Variants in ONECUT3 observed in about 807,000 individuals in gnomAD.
The protein encoded by ONECUT3 is one cut homeobox 3.
Under a neutral mutation model 16.8 loss-of-function variants are expected in ONECUT3, and 11 were observed. The observed-to-expected ratio is 0.66, with a 90% CI of 0.41 to 1.09. The LOEUF (loss-of-function observed/expected upper bound fraction) is 1.09, where lower values mean the gene tolerates loss of function less well. Among genes scored for constraint, ONECUT3 ranks in the 50% least tolerant of loss-of-function variants. The pLI is 0.00. For missense variants in ONECUT3, 637 were observed against 629.9 expected, an observed-to-expected ratio of 1.01 and a Z score of -0.12; for synonymous variants, 344 against 310.7, an observed-to-expected ratio of 1.11 and a Z score of -1.13.
intron 1 of ONECUT3, among the ~76,000 whole-genome samples, chr19:1,765,503 T>C (rs7246629): frequency 0.5 from 75,410 of 152,044 alleles, 18,936 homozygotes; most frequent in Middle Eastern, 0.64. Context: ...GGCCTCCTCA[T>C]TGGGGAACAG....
In ONECUT3 at chr19:1,759,935, C is replaced by T. The variant is rs1010874542; in HGVS notation, c.1192+5081C>T. ...CTCAGGTGACTCTGGTGCCCCCACA[C>T]CAGCACCCTCCCACAAAACTTCAGG... On this transcript the variant is annotated intron_variant, in intron 1 of 1. Coordinates refer to ENST00000382349, the MANE Select transcript of ONECUT3 (RefSeq NM_001080488.2). This position sits in a 1 kb window ranked among gnomAD's most constrained non-coding sequence, Gnocchi z 4.1. Among the ~76,000 whole-genome samples the T allele has an allele frequency of 6.6e-6, 1 of 152,130 alleles. No individual in the cohort carries two copies. Among genetic ancestry groups the T allele is most frequent in the African/African-American group, 2.4e-5 (1 of 41,432 alleles).
chr19:1,769,839 G>A (rs1013794873), intron 1 of ONECUT3, among the ~76,000 whole-genome samples: 1 of 152,206 alleles, frequency 6.6e-6, no homozygotes, highest in Non-Finnish European at 1.5e-5. Flanking sequence ...TGCTGCAATC[G>A]ACAAAACGGG....
intron 1 of ONECUT3, among the ~76,000 whole-genome samples, chr19:1,769,396 G>A (rs1016581041): frequency 6.6e-5 from 10 of 152,056 alleles, no homozygotes; most frequent in Non-Finnish European, 1.3e-4. Flanking sequence ...TGGCAGAGGT[G>A]GCAATGGTGG....
In ONECUT3 at chr19:1,764,701, G is replaced by A. The variant is rs1043790902; in HGVS notation, c.1192+9847G>A. Among the ~76,000 whole-genome samples, 1 of 152,016 alleles carries A rather than the reference G, an allele frequency of 6.6e-6. No individual in the cohort carries two copies. The highest frequency in any genetic ancestry group is 2.1e-4 in the South Asian group (1 of 4,824). On this transcript the variant is annotated intron_variant, in intron 1 of 1. Transcript: ENST00000382349. This position sits in a 1 kb window ranked among gnomAD's most constrained non-coding sequence, Gnocchi z 5.0. ...TCCAGCTCCCCGAGGGGTGCAGGGT[G>A]TAGACAGAGGGTGTAGGTATGTGAC...
chr19:1,773,086 C>T (rs1213703310), intron 1 of ONECUT3, among the ~76,000 whole-genome samples: 2 of 145,004 alleles, frequency 1.4e-5, no homozygotes, highest in Non-Finnish European at 3.0e-5. Context: ...AAGAGCATTT[C>T]CTCACTCTCT....
intron 1 of ONECUT3, among the ~76,000 whole-genome samples, chr19:1,765,379 G>C (rs2067977310): frequency 6.6e-6 from 1 of 152,162 alleles, no homozygotes; most frequent in South Asian, 2.1e-4. Flanking sequence ...CTCCCTCCCA[G>C]CCAGCAGTGT....
At position 1,753,998 on chromosome 19, in the gene ONECUT3, G is replaced by A. The variant is rs970497249; in HGVS notation, c.336G>A (p.Gln112=). 8.9e-5 allele frequency: 88 copies of A among 994,242 alleles called. No individual in the cohort carries two copies. Among genetic ancestry groups the A allele is most frequent in the Non-Finnish European group, 1.0e-4 (84 of 837,162 alleles). The allele number at this position is 994,242 out of a possible 1,614,324, so 61.6% of individuals were successfully genotyped here. A position where few individuals can be genotyped will look rare whatever the true frequency, so the allele number is the denominator to read the frequency against. Residue 112 remains glutamine (Q), a synonymous_variant, in exon 1 of 2, where the codon CAG becomes CAA. Transcript: ENST00000382349. ...GGTYTTLTPL[Q]HLPPLAAVAD... ...CCTACACGACGCTCACGCCCCTGCA[G>A]CACCTGCCGCCGCTCGCGGCCGTGG...
rs1032969289 is a variant in ONECUT3, at chr19:1,776,276, C to G, written c.*831C>G. ...AGTTCACTTTACCTTTAGGCACCTT[C>G]GTGGAGCGCAAGGAAGGACGCAGCT... On this transcript the variant is annotated 3_prime_UTR_variant, in exon 2 of 2. Transcript: ENST00000382349. This position sits in a 1 kb window ranked among gnomAD's most constrained non-coding sequence, Gnocchi z 4.9. 5 of 152,234 alleles carry G rather than the reference C, an allele frequency of 3.3e-5. No homozygotes were observed. Among genetic ancestry groups the G allele is most frequent in the African/African-American group, 1.2e-4 (5 of 41,450 alleles). 9.4% of individuals were successfully genotyped at this position (152,234 alleles called of 1,614,324 possible). A position where few individuals can be genotyped will look rare whatever the true frequency, so the allele number is the denominator to read the frequency against.
In ONECUT3 at chr19:1,766,629, A is replaced by G. The variant is rs1321792661; in HGVS notation, c.1193-8524A>G. Among the ~76,000 whole-genome samples, 1 of 148,984 alleles carries G rather than the reference A, an allele frequency of 6.7e-6. No individual in the cohort carries two copies. The highest frequency in any genetic ancestry group is 2.0e-4 in the East Asian group (1 of 4,994). On this transcript the variant is annotated intron_variant, in intron 1 of 1. Coordinates refer to ENST00000382349, the MANE Select transcript of ONECUT3 (RefSeq NM_001080488.2). This position sits in a 1 kb window ranked among gnomAD's most constrained non-coding sequence, Gnocchi z 4.0. ...AGGAGAGGGGATGGTCCCCTCTTGGAGGGTGATGGGGGTTGACAGGTGGGC... is the reference window on the plus strand; with the variant it reads ...AGGAGAGGGGATGGTCCCCTCTTGGGGGGTGATGGGGGTTGACAGGTGGGC...
rs1357590663 is a variant in ONECUT3 at position 1,755,382 on chromosome 19, G to T, written c.1192+528G>T. On this transcript the variant is annotated intron_variant, in intron 1 of 1. Transcript: ENST00000382349. The surrounding 1 kb of genome is among the most constrained non-coding windows in gnomAD (Gnocchi z 7.5). ...CAGCTCAGCAGCAGAGGCCGAGCCCGCGCTCATCCCCCCACCTGCCCCAGC... is the reference window on the plus strand; with the variant it reads ...CAGCTCAGCAGCAGAGGCCGAGCCCTCGCTCATCCCCCCACCTGCCCCAGC... 6.6e-6 allele frequency among the ~76,000 whole-genome samples: 1 copy of T among 152,066 alleles called. No individual in the cohort carries two copies. Among genetic ancestry groups the T allele is most frequent in the East Asian group, 1.9e-4 (1 of 5,170 alleles).
chr19:1,754,456 G>A lies in ONECUT3; in HGVS notation c.794G>A (p.Gly265Glu), dbSNP rs1458502729. 7.1e-6 allele frequency: 7 copies of A among 987,502 alleles called. No homozygotes were observed. The highest frequency in any genetic ancestry group is 4.5e-5 in the South Asian group (1 of 22,028). The allele number at this position is 987,502 out of a possible 1,614,324, so 61.2% of individuals were successfully genotyped here. The change falls in exon 1 of 2, where the codon GGA (glycine) becomes GAA (glutamate). Residue 265 changes from glycine (G) to glutamate (E), a missense_variant. By Grantham distance (98) the Gly-to-Glu change is moderately conservative (BLOSUM62 -2). This residue lies in a region of ONECUT3 where 419 missense variants were observed against 377.9 expected (regional missense o/e 1.11). Transcript: ENST00000382349. The surrounding 1 kb of genome is among the most constrained non-coding windows in gnomAD (Gnocchi z 7.4). ...GACGCACTGGCCCGCGGGCTGCCCG[G>A]AGGCGGCGGCGGCACAGGCAGCGGC... ...AEDALARGLPGGGGGTGSGGA... is the reference protein window; with the variant it reads ...AEDALARGLPEGGGGTGSGGA...
chr19:1,753,625 G>C lies in ONECUT3; in HGVS notation c.-38G>C. On this transcript the variant is annotated 5_prime_UTR_variant, in exon 1 of 2. Transcript: ENST00000382349. The stretch of plus-strand genomic sequence containing the variant: ...GCAGCGGCCTTGAGCACTAGGGGCC[G>C]GCGCTGAGGAGCGCGCGCGGCGGGA... 1.1e-6 allele frequency: 1 copy of C among 879,564 alleles called. No homozygotes were observed. The highest frequency in any genetic ancestry group is 1.4e-6 in the Non-Finnish European group (1 of 718,142). 54.5% of individuals were successfully genotyped at this position (879,564 alleles called of 1,614,324 possible). A position where few individuals can be genotyped will look rare whatever the true frequency, so the allele number is the denominator to read the frequency against.
intron 1 of ONECUT3, among the ~76,000 whole-genome samples, chr19:1,760,556 C>T (rs900733299): frequency 6.6e-6 from 1 of 152,154 alleles, no homozygotes; most frequent in African/African-American, 2.4e-5. Context: ...GCCTGCGCTG[C>T]GCTTCCCCCT....
At chr19:1,771,084 G>C (rs2068050200) in intron 1 of ONECUT3, among the ~76,000 whole-genome samples, 2 of 152,176 alleles carry the variant, frequency 1.3e-5, no homozygotes, top group Admixed American at 6.5e-5. Context: ...TTTTCCAGGA[G>C]TTGATAGCTG....
intron 1 of ONECUT3, among the ~76,000 whole-genome samples, chr19:1,773,271 C>CCT (rs145467751): frequency 6.6e-6 from 1 of 151,028 alleles, no homozygotes; most frequent in Non-Finnish European, 1.5e-5. Context: ...TGCCTCCCTC[C>CCT]CTCTCTCTCT....
intron 1 of ONECUT3, among the ~76,000 whole-genome samples, chr19:1,769,224 A>C (rs2068030941): frequency 7.0e-6 from 1 of 143,510 alleles, no homozygotes; most frequent in African/African-American, 2.6e-5. Context: ...GAGGTGATGA[A>C]GGAGGAGGTG....
At chr19:1,775,066 G>A in intron 1 of ONECUT3, 87 bp from the exon 2 acceptor site, 1 of 809,026 alleles carries the variant, frequency 1.2e-6, no homozygotes, top group Non-Finnish European at 1.9e-6. Context: ...CTCATCCTCC[G>A]GGCGGCGTGC....
rs745665941 is a variant in ONECUT3, at chr19:1,766,571, G to A, written c.1193-8582G>A. On this transcript the variant is annotated intron_variant, in intron 1 of 1. Transcript: ENST00000382349. This position sits in a 1 kb window ranked among gnomAD's most constrained non-coding sequence, Gnocchi z 4.0. ...GAAAAGAGCAGAGAGGGGAGAGGGA[G>A]GGAGGGTGAGTGGAAAAGGAGGGGT... Among the ~76,000 whole-genome samples the A allele has an allele frequency of 2.0e-5, 3 of 151,906 alleles. No individual in the cohort carries two copies. Among genetic ancestry groups the A allele is most frequent in the East Asian group, 3.9e-4 (2 of 5,152 alleles).
rs934307987 is a variant in ONECUT3 at position 1,755,864 on chromosome 19, C to T, written c.1192+1010C>T. Among the ~76,000 whole-genome samples, 2 of 152,192 alleles carry T rather than the reference C, an allele frequency of 1.3e-5. No individual in the cohort carries two copies. Among genetic ancestry groups the T allele is most frequent in the African/African-American group, 4.8e-5 (2 of 41,440 alleles). On this transcript the variant is annotated intron_variant, in intron 1 of 1. Coordinates refer to ENST00000382349, the MANE Select transcript of ONECUT3 (RefSeq NM_001080488.2). The surrounding 1 kb of genome is among the most constrained non-coding windows in gnomAD (Gnocchi z 7.5). ...CCCTCTGACAGGCAGCCCGGCCAGG[C>T]CCCCATTTCCTAGGTGGGGGTGTAA...
Sources: allele counts gnomAD v4.1 joint callset (sites outside exome capture counted in the v4.1 genomes callset), GRCh38; gene constraint gnomAD v4.1.1; regional missense constraint gnomAD v4.1.1; non-coding constraint Gnocchi (gnomAD v3.1); transcripts MANE v1.5; gene names NCBI Gene and HGNC (gene_info 2026-07-23, HGNC 2026-07-21).